Variants in NAV3 observed in about 807,000 individuals in gnomAD.
NAV3 encodes the protein neuron navigator 3, also known as pore membrane and/or filament interacting like protein 1.
NAV3 carries 87 observed loss-of-function variants against 244.7 expected under a neutral mutation model. The observed-to-expected ratio is 0.36, with a 90% CI of 0.30 to 0.42. The LOEUF is 0.42. NAV3 is among the 20% of genes least tolerant of loss of function. The pLI is 1.00. For missense variants in NAV3, 2,663 were observed against 2,893.3 expected (o/e 0.92, Z 1.83); for synonymous variants, 1,126 against 1,042.2 (o/e 1.08, Z -1.55).
chr12:78,100,874 T>G (rs1954503700), intron 12 of NAV3, among the ~76,000 whole-genome samples: 2 of 152,124 alleles, frequency 1.3e-5, no homozygotes, highest in African/African-American at 4.8e-5. Context: ...CTACAAATAT[T>G]TCTTATTTGT....
intron 1 of NAV3, among the ~76,000 whole-genome samples, chr12:77,888,556 A>T (rs886711975): frequency 6.6e-6 from 1 of 152,180 alleles, no homozygotes; most frequent in African/African-American, 2.4e-5. Context: ...ACTTTATCTT[A>T]ATACAGTAAG....
At chr12:78,167,681 G>T (rs568723637) in intron 23 of NAV3, among the ~76,000 whole-genome samples, 1 of 151,386 alleles carries the variant, frequency 6.6e-6, no homozygotes, top group Non-Finnish European at 1.5e-5. Context: ...ACCGAGGCCC[G>T]ATTCTTTGGC....
At chr12:78,196,334 C>G (rs1006942326) in intron 34 of NAV3, among the ~76,000 whole-genome samples, 9 of 152,036 alleles carry the variant, frequency 5.9e-5, no homozygotes, top group Non-Finnish European at 1.3e-4. Flanking sequence ...ACTTTTATTT[C>G]CAGCAGTGGT....
At position 78,054,035 on chromosome 12, in the gene NAV3, T is replaced by C. The variant is rs375369672; in HGVS notation, c.2516+2888T>C. Among the ~76,000 whole-genome samples the C allele has an allele frequency of 7.9e-5, 12 of 152,156 alleles. 1 individual carries two copies. Among genetic ancestry groups the C allele is most frequent in the East Asian group, 5.8e-4 (3 of 5,192 alleles). On this transcript the variant is annotated intron_variant, in intron 11 of 39. Coordinates refer to ENST00000397909, the MANE Select transcript of NAV3 (RefSeq NM_001024383.2). ...ATCAAGGGACATCTACAGTGCAATA[T>C]GTTGGGAATTTCAAAAGGCTTATAG...
upstream of NAV3, among the ~76,000 whole-genome samples, chr12:77,829,312 G>GT (rs1873348838): frequency 6.6e-6 from 1 of 152,136 alleles, no homozygotes; most frequent in African/African-American, 2.4e-5. Context: ...ATGTAATTCT[G>GT]AGTCACTTCC....
At chr12:78,166,438 A>G (rs1483963986) in intron 23 of NAV3, among the ~76,000 whole-genome samples, 1 of 151,840 alleles carries the variant, frequency 6.6e-6, no homozygotes, top group African/African-American at 2.4e-5. Flanking sequence ...ATCAAAGACT[A>G]TGGAATATTT....
At chr12:77,626,141 A>G (rs574544437) in intron 2 of NAV3, among the ~76,000 whole-genome samples, 3 of 152,294 alleles carry the variant, frequency 2.0e-5, no homozygotes, top group Non-Finnish European at 2.9e-5. Context: ...GAAGAATTCA[A>G]TGGTAAAAGT....
intron 11 of NAV3, among the ~76,000 whole-genome samples, chr12:78,052,482 A>G (rs1882901978): frequency 6.6e-6 from 1 of 152,224 alleles, no homozygotes; most frequent in Non-Finnish European, 1.5e-5. Flanking sequence ...ATCTAGAATA[A>G]GGATAAAATT....
Position 77,934,421 on chromosome 12 carries a change from C to T in NAV3, c.244-5898C>T, listed in dbSNP as rs1177547360. Reference sequence around the variant, plus strand: ...TGGGAAATTATAAAAAAAAAGTATGCTTTCCTATACTGTTGTGGTCAATGT... The same window carrying T: ...TGGGAAATTATAAAAAAAAAGTATGTTTTCCTATACTGTTGTGGTCAATGT... On this transcript the variant is annotated intron_variant, in intron 1 of 39. Coordinates refer to ENST00000397909, the MANE Select transcript of NAV3 (RefSeq NM_001024383.2). Among the ~76,000 whole-genome samples, 5 of 138,766 alleles carry T rather than the reference C, an allele frequency of 3.6e-5. No individual in the cohort carries two copies. In the South Asian group the frequency reaches 1.2e-3, roughly 34 times the overall value. The allele number at this position is 138,766 out of a possible 152,430, so 91.0% of individuals were successfully genotyped here.
At chr12:77,696,828 G>C (rs1474857337) in intron 2 of NAV3, among the ~76,000 whole-genome samples, 1 of 152,118 alleles carries the variant, frequency 6.6e-6, no homozygotes, top group African/African-American at 2.4e-5. Context: ...TACTAGAAGT[G>C]ATTGTGCTTC....
rs1956118962 is a variant in NAV3, at chr12:78,130,562, C to CCATAAA, written c.4441+1700_4441+1705dup. On this transcript the variant is annotated intron_variant, in intron 18 of 39. Transcript: ENST00000397909. The stretch of plus-strand genomic sequence containing the variant: ...TACCACACTCCCAGAGGGCTAAATC[C>CCATAAA]CATAAACATCATCTTCTGTCTTTGT... The CCATAAA allele has an allele frequency of 5.8e-5, 11 of 191,274 alleles. No individual in the cohort carries two copies. In the South Asian group the frequency reaches 1.1e-3, roughly 18 times the overall value. The allele number at this position is 191,274 out of a possible 1,614,324, so 11.8% of individuals were successfully genotyped here.
At chr12:77,853,810 TTC>T (rs1877929328) in intron 1 of NAV3, among the ~76,000 whole-genome samples, 1 of 152,236 alleles carries the variant, frequency 6.6e-6, no homozygotes, top group Non-Finnish European at 1.5e-5. Context: ...GTATAAATTT[TTC>T]TTATACTGAG....
At chr12:77,930,941 C>T (rs1453694552) in intron 1 of NAV3, among the ~76,000 whole-genome samples, 1 of 152,042 alleles carries the variant, frequency 6.6e-6, no homozygotes, top group Non-Finnish European at 1.5e-5. Flanking sequence ...TTGAAGGTAA[C>T]TTGAACTTTT....
chr12:77,756,796 T>C (rs1869203985), intron 2 of NAV3, among the ~76,000 whole-genome samples: 1 of 152,202 alleles, frequency 6.6e-6, no homozygotes, highest in Admixed American at 6.5e-5. Flanking sequence ...ATTTAGTTCA[T>C]ATATTTCAGC....
At chr12:78,186,461 A>T (rs1431190142) in intron 31 of NAV3, among the ~76,000 whole-genome samples, 2 of 151,882 alleles carry the variant, frequency 1.3e-5, no homozygotes, top group African/African-American at 2.4e-5. Context: ...GGATTCCAAT[A>T]CCATCAACTT....
intron 2 of NAV3, among the ~76,000 whole-genome samples, chr12:77,670,807 C>T (rs532621230): frequency 3.3e-5 from 5 of 151,976 alleles, no homozygotes; most frequent in African/African-American, 1.2e-4. Context: ...AAATGCCATC[C>T]GTGACAAACC....
rs1208720444 is a variant in NAV3 at position 78,212,609 on chromosome 12, A to T, written c.*2092A>T. 1 of 152,640 alleles carries T rather than the reference A, an allele frequency of 6.6e-6. No individual in the cohort carries two copies. Among genetic ancestry groups the T allele is most frequent in the East Asian group, 1.9e-4 (1 of 5,202 alleles). 9.5% of individuals were successfully genotyped at this position (152,640 alleles called of 1,614,324 possible). Reference sequence around the variant, plus strand: ...TTTCCCTTGTATAATATGTGATCTAAGAAAATTGCTAATCTTTCCCTGCCA... The same window carrying T: ...TTTCCCTTGTATAATATGTGATCTATGAAAATTGCTAATCTTTCCCTGCCA... On this transcript the variant is annotated 3_prime_UTR_variant, in exon 40 of 40. Coordinates refer to ENST00000397909, the MANE Select transcript of NAV3 (RefSeq NM_001024383.2).
At chr12:77,943,833 A>AT (rs201478850) in intron 3 of NAV3, among the ~76,000 whole-genome samples, 1 of 152,200 alleles carries the variant, frequency 6.6e-6, no homozygotes, top group Admixed American at 6.5e-5. Flanking sequence ...GTCTGCTGCT[A>AT]TTTTTAATCA....
intron 23 of NAV3, among the ~76,000 whole-genome samples, chr12:78,163,714 A>G (rs917559761): frequency 1.3e-5 from 2 of 152,160 alleles, no homozygotes; most frequent in Non-Finnish European, 2.9e-5. Flanking sequence ...AATTAAGAGA[A>G]TTGTTAATGT....
Sources: gnomAD v4.1 joint callset for allele counts (sites outside exome capture counted in the v4.1 genomes callset) on GRCh38, gnomAD v4.1.1 for gene constraint, MANE v1.5 for transcripts, NCBI Gene and HGNC (gene_info 2026-07-23, HGNC 2026-07-21) for gene names.